Variants in HS3ST2 observed in about 807,000 individuals in gnomAD.
HS3ST2 encodes heparan sulfate glucosamine 3-O-sulfotransferase 2.
Under a neutral mutation model 26.3 loss-of-function variants are expected in HS3ST2, and 17 were observed. The ratio of observed to expected loss-of-function variants is 0.65; its 90% CI spans 0.44 to 0.97. The LOEUF is 0.97. Ranked by LOEUF, HS3ST2 falls within the 50% of genes least tolerant of loss-of-function variation. HS3ST2 has a pLI of 0.00. For missense variants in HS3ST2, 402 were observed against 501.2 expected, an observed-to-expected ratio of 0.80 and a Z score of 1.89; for synonymous variants, 237 against 219.2, an observed-to-expected ratio of 1.08 and a Z score of -0.72.
At chr16:22,887,323 G>A (rs1445457200) in intron 1 of HS3ST2, among the ~76,000 whole-genome samples, 1 of 152,172 alleles carries the variant, frequency 6.6e-6, no homozygotes, top group Non-Finnish European at 1.5e-5. Context: ...CAAGATCAAG[G>A]TGCTGGCAGA....
At chr16:22,861,744 AT>A (rs1303566988) in intron 1 of HS3ST2, among the ~76,000 whole-genome samples, 1 of 152,148 alleles carries the variant, frequency 6.6e-6, no homozygotes, top group Non-Finnish European at 1.5e-5. Context: ...CTCATGTGAT[AT>A]GGCTGCTGCA....
intron 1 of HS3ST2, among the ~76,000 whole-genome samples, chr16:22,880,332 G>A (rs1160622841): frequency 3.3e-5 from 5 of 152,072 alleles, no homozygotes; most frequent in Non-Finnish European, 7.4e-5. Context: ...TGGGAGGATC[G>A]CTTCAACCTG....
chr16:22,846,758 C>G (rs1901438831), intron 1 of HS3ST2, among the ~76,000 whole-genome samples: 1 of 152,038 alleles, frequency 6.6e-6, no homozygotes, highest in Non-Finnish European at 1.5e-5. Flanking sequence ...GAGATCCACT[C>G]CTAGGTATGT....
At position 22,915,825 on chromosome 16, in the gene HS3ST2, C is replaced by A; in HGVS notation, c.*263C>A. The A allele has an allele frequency of 2.0e-6, 1 of 489,278 alleles. No homozygotes were observed. The highest frequency in any genetic ancestry group is 3.6e-6 in the Non-Finnish European group (1 of 277,042). The allele number at this position is 489,278 out of a possible 1,614,324, so 30.3% of individuals were successfully genotyped here. ...TTCCAGAATCATTCTCCTTTCTGCC[C>A]ATAAAGGGCCTTGGAGAATTGCTTT... On this transcript the variant is annotated 3_prime_UTR_variant, in exon 2 of 2. Coordinates refer to ENST00000261374, the MANE Select transcript of HS3ST2 (RefSeq NM_006043.2).
chr16:22,825,685 A>G (rs374504188), intron 1 of HS3ST2, among the ~76,000 whole-genome samples: 10 of 152,222 alleles, frequency 6.6e-5, no homozygotes, highest in African/African-American at 2.2e-4. Flanking sequence ...CTGTTTCTAA[A>G]TACATTCACT....
intron 1 of HS3ST2, among the ~76,000 whole-genome samples, chr16:22,843,559 G>T (rs934486222): frequency 2.0e-5 from 3 of 152,254 alleles, no homozygotes; most frequent in Admixed American, 1.3e-4. Flanking sequence ...TCATGAAGAG[G>T]GATCTTTTAA....
intron 1 of HS3ST2, among the ~76,000 whole-genome samples, chr16:22,875,722 A>G (rs1901906575): frequency 6.6e-6 from 1 of 152,164 alleles, no homozygotes; most frequent in Non-Finnish European, 1.5e-5. Context: ...GTGTACAGGA[A>G]TGTCCTAGGC....
intron 1 of HS3ST2, among the ~76,000 whole-genome samples, chr16:22,861,937 T>C (rs1260918599): frequency 6.6e-6 from 1 of 152,224 alleles, no homozygotes; most frequent in Non-Finnish European, 1.5e-5. Context: ...GTATATCCCA[T>C]TGGACAGACC....
At chr16:22,884,679 A>T (rs893834974) in intron 1 of HS3ST2, among the ~76,000 whole-genome samples, 107 of 136,522 alleles carry the variant, frequency 7.8e-4, no homozygotes, top group African/African-American at 2.8e-3. Flanking sequence ...TATATATATT[A>T]TATATATATA....
intron 1 of HS3ST2, among the ~76,000 whole-genome samples, chr16:22,844,542 C>T (rs1350327035): frequency 1.3e-5 from 2 of 152,102 alleles, no homozygotes; most frequent in Non-Finnish European, 2.9e-5. Flanking sequence ...CCACCGAAAC[C>T]TCATGTTGAA....
intron 1 of HS3ST2, among the ~76,000 whole-genome samples, chr16:22,837,479 TC>T (rs200874486): frequency 0.036 from 5,068 of 138,858 alleles, 297 homozygotes; most frequent in African/African-American, 0.13. Context: ...AATGTTTTTT[TC>T]CTATGTGTGT....
chr16:22,824,712 A>G (rs917488061), intron 1 of HS3ST2, among the ~76,000 whole-genome samples: 4 of 152,228 alleles, frequency 2.6e-5, no homozygotes, highest in African/African-American at 9.6e-5. Flanking sequence ...AAGAAGACCC[A>G]CTGCAGAAAA....
intron 1 of HS3ST2, among the ~76,000 whole-genome samples, chr16:22,839,940 A>G (rs751706794): frequency 7.2e-5 from 11 of 152,232 alleles, no homozygotes; most frequent in Non-Finnish European, 1.5e-4. Context: ...GTAAAAATAA[A>G]TGGTCACATT....
rs1432979747 is a variant in HS3ST2 at position 22,845,047 on chromosome 16, GA to G, written c.485+29953del. 3.8e-3 allele frequency among the ~76,000 whole-genome samples: 547 copies of G among 145,706 alleles called. 6 individuals carry two copies. Among genetic ancestry groups the G allele is most frequent in the African/African-American group, 0.014 (496 of 35,594 alleles). ...TTTTTTGTATTTTTAGTATAGACAG[GA>G]TTTCACTGTGTTAGTTAGGATGGTC... On this transcript the variant is annotated intron_variant, in intron 1 of 1. Coordinates refer to ENST00000261374, the MANE Select transcript of HS3ST2 (RefSeq NM_006043.2).
At chr16:22,825,117 C>G (rs1206749318) in intron 1 of HS3ST2, among the ~76,000 whole-genome samples, 1 of 152,120 alleles carries the variant, frequency 6.6e-6, no homozygotes, top group Non-Finnish European at 1.5e-5. Context: ...ACTCTGAGAT[C>G]AGAAGGAATA....
At chr16:22,836,675 C>T (rs986792434) in intron 1 of HS3ST2, among the ~76,000 whole-genome samples, 8 of 152,126 alleles carry the variant, frequency 5.3e-5, no homozygotes, top group African/African-American at 1.7e-4. Flanking sequence ...TTTTGTCACA[C>T]ATGAACAATA....
chr16:22,911,723 C>T (rs912069684), intron 1 of HS3ST2, among the ~76,000 whole-genome samples: 1 of 152,174 alleles, frequency 6.6e-6, no homozygotes, highest in African/African-American at 2.4e-5. Context: ...AACAAGGACA[C>T]TCGTCATTGG....
rs1901139147 is a variant in HS3ST2, at chr16:22,829,558, C to T, written c.485+14463C>T. ...AATTTATAATCACATCTTACTGATTCATAACTGTTATAGAACACTTGTGGG... is the reference window on the plus strand; with the variant it reads ...AATTTATAATCACATCTTACTGATTTATAACTGTTATAGAACACTTGTGGG... On this transcript the variant is annotated intron_variant, in intron 1 of 1. Transcript: ENST00000261374. 1.3e-5 allele frequency among the ~76,000 whole-genome samples: 2 copies of T among 152,134 alleles called. 1 individual carries two copies. Among genetic ancestry groups the T allele is most frequent in the Admixed American group, 1.3e-4 (2 of 15,276 alleles).
In HS3ST2 at chr16:22,818,656, T is replaced by TTTCC. The variant is rs934250632; in HGVS notation, c.485+3579_485+3582dup. Among the ~76,000 whole-genome samples, 5 of 146,144 alleles carry TTTCC rather than the reference T, an allele frequency of 3.4e-5. No individual in the cohort carries two copies. In the East Asian group the frequency reaches 6.2e-4, roughly 18 times the overall value. ...CCCTCTCTCCCCTTTCCCTTCTCCT[T>TTTCC]TTCCTTCCTTCCTTCCTTCCTCCCT... is the stretch of plus-strand genomic sequence containing the variant. On this transcript the variant is annotated intron_variant, in intron 1 of 1. Coordinates refer to ENST00000261374, the MANE Select transcript of HS3ST2 (RefSeq NM_006043.2).
Sources: gnomAD v4.1 joint callset for allele counts (sites outside exome capture counted in the v4.1 genomes callset) on GRCh38, gnomAD v4.1.1 for gene constraint, MANE v1.5 for transcripts, NCBI Gene and HGNC (gene_info 2026-07-23, HGNC 2026-07-21) for gene names.